GXYLT2: variants seen among roughly 807,000 people sequenced by gnomAD.
GXYLT2 encodes glycosyltransferase 8 domain containing 4.
A neutral mutation model predicts 45.8 loss-of-function variants in GXYLT2; 53 were observed. The ratio of observed to expected loss-of-function variants is 1.16; its 90% confidence interval spans 0.93 to 1.46. The LOEUF (loss-of-function observed/expected upper bound fraction) is 1.46, where lower values mean the gene tolerates loss of function less well. GXYLT2 is among the 40% of genes most tolerant of loss of function. The probability of loss-of-function intolerance (pLI) is 0.00; values close to 1 mark genes in which losing one functional copy is unlikely to be tolerated. For missense variants in GXYLT2, 551 were observed against 544.4 expected (o/e 1.01, Z -0.12); for synonymous variants, 219 against 214.2 (o/e 1.02, Z -0.19).
At chr3:72,950,548 T>C (rs1024311739) in intron 3 of GXYLT2, among the ~76,000 whole-genome samples, 1 of 151,968 alleles carries the variant, frequency 6.6e-6, no homozygotes, top group Non-Finnish European at 1.5e-5. Context: ...AGAGGAACAC[T>C]TGAGCCTAGG....
At chr3:72,930,915 T>C (rs1486130853) in intron 3 of GXYLT2, among the ~76,000 whole-genome samples, 1 of 152,064 alleles carries the variant, frequency 6.6e-6, no homozygotes, top group Non-Finnish European at 1.5e-5. Flanking sequence ...AATAATGGAT[T>C]GAACAACTAG....
At chr3:72,952,164 G>A (rs867871418) in intron 3 of GXYLT2, among the ~76,000 whole-genome samples, 3 of 151,750 alleles carry the variant, frequency 2.0e-5, no homozygotes, top group East Asian at 1.9e-4. Context: ...CACAACCCCC[G>A]GCTAATTTTT....
Position 72,888,480 on chromosome 3 carries a change from G to T in GXYLT2, c.247G>T (p.Gly83Cys). ...PRPRPRAGRR[G>C]AARLEKLARR... ...TCCGCGCCCCCGAGCGGGCCGCCGG[G>T]GCGCTGCGAGACTGGAGAAGTTGGC... is the stretch of plus-strand genomic sequence containing the variant. Residue 83 changes from glycine (G) to cysteine (C), a missense_variant, in exon 1 of 7, where the codon GGC becomes TGC. Physicochemically the swap from Gly to Cys is radical, Grantham distance 159 (BLOSUM62 -3). Coordinates refer to ENST00000389617, the MANE Select transcript of GXYLT2 (RefSeq NM_001080393.2). The T allele has an allele frequency of 1.6e-6, 2 of 1,252,848 alleles. No individual in the cohort carries two copies. Among genetic ancestry groups the T allele is most frequent in the Non-Finnish European group, 1.0e-6 (1 of 994,190 alleles). 77.6% of individuals were successfully genotyped at this position (1,252,848 alleles called of 1,614,324 possible). A position where few individuals can be genotyped will look rare whatever the true frequency, so the allele number is the denominator to read the frequency against.
intron 6 of GXYLT2, among the ~76,000 whole-genome samples, chr3:72,972,349 G>C (rs376124249): frequency 1.9e-3 from 277 of 147,498 alleles, no homozygotes; most frequent in Non-Finnish European, 3.1e-3. Flanking sequence ...TAGTCTTTAA[G>C]AAGCATATAT....
At chr3:72,913,975 A>G (rs1468784936) in intron 2 of GXYLT2, among the ~76,000 whole-genome samples, 1 of 152,104 alleles carries the variant, frequency 6.6e-6, no homozygotes, top group Admixed American at 6.5e-5. Flanking sequence ...TGTTAGGTCT[A>G]AAGAAATAGA....
chr3:72,914,696 G>A (rs186677168), intron 2 of GXYLT2, among the ~76,000 whole-genome samples: 26 of 152,186 alleles, frequency 1.7e-4, no homozygotes, highest in Non-Finnish European at 3.5e-4. Flanking sequence ...TGTGGCACTT[G>A]TGGTGACAGT....
chr3:72,968,181 C>A (rs1174645030), intron 6 of GXYLT2, among the ~76,000 whole-genome samples: 1 of 152,098 alleles, frequency 6.6e-6, no homozygotes, highest in Admixed American at 6.6e-5. Context: ...ACCATGTTGG[C>A]CAGGCTGGTC....
intron 3 of GXYLT2, among the ~76,000 whole-genome samples, chr3:72,954,825 C>T (rs772311589): frequency 6.6e-6 from 1 of 151,994 alleles, no homozygotes; most frequent in Non-Finnish European, 1.5e-5. Context: ...AAGTTCAACC[C>T]TTATCAAATA....
At chr3:72,935,954 CA>C (rs1368824954) in intron 3 of GXYLT2, among the ~76,000 whole-genome samples, 2 of 152,054 alleles carry the variant, frequency 1.3e-5, no homozygotes, top group African/African-American at 4.8e-5. Context: ...AAAGGAGTAT[CA>C]GGGGAAAGGA....
intron 4 of GXYLT2, among the ~76,000 whole-genome samples, chr3:72,956,573 G>A (rs74961766): frequency 9.2e-5 from 14 of 152,240 alleles, no homozygotes; most frequent in African/African-American, 3.4e-4. Context: ...GTAGAGTAGA[G>A]AATCCTGAAG....
Position 72,975,091 on chromosome 3 carries a change from G to A in GXYLT2, c.1264G>A (p.Glu422Lys), listed in dbSNP as rs368795059. The stretch of plus-strand genomic sequence containing the variant: ...CCCGCAAGTTTTTCTGAAGCAAATT[G>A]AGAAAACAATGAAAAGGGCTTATGA... ...RIPQVFLKQI[E>K]KTMKRAYEKH... The change falls in exon 7 of 7, where the codon GAG becomes AAG. Residue 422 changes from glutamate (E) to lysine (K), a missense_variant. Transcript: ENST00000389617. The A allele has an allele frequency of 1.5e-5, 25 of 1,613,570 alleles. No individual in the cohort carries two copies. In the African/African-American group the frequency reaches 2.8e-4, roughly 18 times the overall value.
chr3:72,937,940 G>A (rs960649514), intron 3 of GXYLT2, among the ~76,000 whole-genome samples: 23 of 152,084 alleles, frequency 1.5e-4, no homozygotes, highest in African/African-American at 5.6e-4. Flanking sequence ...TTTCTCAGGA[G>A]CATGTAAGCC....
chr3:72,967,946 C>G (rs986056113), intron 6 of GXYLT2, among the ~76,000 whole-genome samples: 1 of 152,058 alleles, frequency 6.6e-6, no homozygotes, highest in African/African-American at 2.4e-5. Context: ...TTTACTTAAC[C>G]AAATTTACTT....
intron 3 of GXYLT2, among the ~76,000 whole-genome samples, chr3:72,944,827 G>A (rs1388508206): frequency 2.0e-5 from 3 of 151,930 alleles, no homozygotes; most frequent in Non-Finnish European, 4.4e-5. Context: ...GGGCATTTTC[G>A]AAATGCATGA....
intron 4 of GXYLT2, among the ~76,000 whole-genome samples, chr3:72,955,590 C>T (rs1710624983): frequency 6.6e-6 from 1 of 152,222 alleles, no homozygotes; most frequent in South Asian, 2.1e-4. Flanking sequence ...TGTTGCATTT[C>T]TGAATTCCAT....
In GXYLT2 at chr3:72,911,306, G is replaced by A. The variant is rs370424613; in HGVS notation, c.468+2747G>A. On this transcript the variant is annotated intron_variant, in intron 2 of 6. Coordinates refer to ENST00000389617, the MANE Select transcript of GXYLT2 (RefSeq NM_001080393.2). ...CTCTGTCTCAAAAAAAATAACGAAA[G>A]GGAAGGGAAGGAAGATGTATACGTG... 2.6e-5 allele frequency among the ~76,000 whole-genome samples: 4 copies of A among 152,058 alleles called. No homozygotes were observed. In the East Asian group the frequency reaches 7.8e-4, roughly 29 times the overall value.
At chr3:72,919,207 A>G (rs1470776000) in intron 2 of GXYLT2, among the ~76,000 whole-genome samples, 1 of 152,228 alleles carries the variant, frequency 6.6e-6, no homozygotes, top group East Asian at 1.9e-4. Flanking sequence ...CTGTATTCAC[A>G]GTTTCCCAAA....
chr3:72,960,105 C>G (rs977707161), intron 5 of GXYLT2, among the ~76,000 whole-genome samples: 4 of 152,184 alleles, frequency 2.6e-5, no homozygotes, highest in African/African-American at 4.8e-5. Context: ...GCCACCACAC[C>G]CAGCTAATTT....
chr3:72,912,055 G>T (rs1709640943), intron 2 of GXYLT2, among the ~76,000 whole-genome samples: 1 of 141,014 alleles, frequency 7.1e-6, no homozygotes, highest in African/African-American at 2.8e-5. Flanking sequence ...CTGTCTCCCA[G>T]GCTGAAGTGC....
Sources: allele counts gnomAD v4.1 joint callset (sites outside exome capture counted in the v4.1 genomes callset), GRCh38; gene constraint gnomAD v4.1.1; transcripts MANE v1.5; gene names NCBI Gene and HGNC (gene_info 2026-07-23, HGNC 2026-07-21).